Variants in GLYATL1 observed in about 807,000 individuals in gnomAD.
GLYATL1 encodes glycine-N-acyltransferase like 1, also known as glycine N-acyltransferase-like protein 1.
GLYATL1 carries 15 observed loss-of-function variants against 20.0 expected under a neutral mutation model. That is an observed-to-expected ratio of 0.75 (90% CI 0.50 to 1.15). GLYATL1 has a LOEUF of 1.15. GLYATL1 is among the 50% of genes most tolerant of loss of function. GLYATL1 has a pLI of 0.00. For synonymous variants in GLYATL1, 151 were observed against 131.5 expected (o/e 1.15, Z -1.01); for missense variants, 380 against 368.5 (o/e 1.03, Z -0.26).
At chr11:58,928,857 ATATCC>A (rs1855501635) in intron 1 of GLYATL1, among the ~76,000 whole-genome samples, 1 of 152,198 alleles carries the variant, frequency 6.6e-6, no homozygotes, top group African/African-American at 2.4e-5. Flanking sequence ...TTAGGGGGCA[ATATCC>A]TTGGTCAAAC....
rs1208173566 is a variant in GLYATL1 at position 58,939,516 on chromosome 11, A to C, written c.-301A>C. On this transcript the variant is annotated 5_prime_UTR_variant, in exon 1 of 7. Coordinates refer to ENST00000532726, the MANE Select transcript of GLYATL1 (RefSeq NM_001389712.2). ...TTGCCATGGGCCAGGAGTCTCACAGAACTACTAAGCAGCTGCTTACCCAAT... is the reference window on the plus strand; with the variant it reads ...TTGCCATGGGCCAGGAGTCTCACAGCACTACTAAGCAGCTGCTTACCCAAT... 2 of 152,262 alleles carry C rather than the reference A, an allele frequency of 1.3e-5. No individual in the cohort carries two copies. Among genetic ancestry groups the C allele is most frequent in the African/African-American group, 2.4e-5 (1 of 41,456 alleles). 9.4% of individuals were successfully genotyped at this position (152,262 alleles called of 1,614,324 possible).
At chr11:58,944,264 C>T (rs1245676597) in intron 2 of GLYATL1, among the ~76,000 whole-genome samples, 1 of 152,094 alleles carries the variant, frequency 6.6e-6, no homozygotes, top group Non-Finnish European at 1.5e-5. Context: ...ACAGTTTTGG[C>T]ACTATTGGAT....
At chr11:58,910,565 T>G (rs1184104820), downstream of GLYATL1, among the ~76,000 whole-genome samples, 1 of 152,152 alleles carries the variant, frequency 6.6e-6, no homozygotes, top group Non-Finnish European at 1.5e-5. Flanking sequence ...GATATGCTAT[T>G]AGGTAGTACT....
rs554511547 is a variant in GLYATL1, at chr11:58,944,233, G to A, written c.-43+567G>A. On this transcript the variant is annotated intron_variant, in intron 2 of 6. Transcript: ENST00000532726. ...GTACATTTATAAATGAGGGCTCTCA[G>A]TAAAGTCTCTTTGACTAAAAACAGT... is the stretch of plus-strand genomic sequence containing the variant. Among the ~76,000 whole-genome samples the A allele has an allele frequency of 7.2e-5, 11 of 152,312 alleles. No individual in the cohort carries two copies. The East Asian group carries it at 2.1e-3, about 29-fold the overall frequency.
At chr11:58,918,762 G>A (rs528550783) in intron 1 of GLYATL1, among the ~76,000 whole-genome samples, 1 of 152,342 alleles carries the variant, frequency 6.6e-6, no homozygotes, top group Non-Finnish European at 1.5e-5. Context: ...GCATAGACTA[G>A]TCAGCTTCCA....
chr11:58,941,821 C>A (rs1856179177), intron 1 of GLYATL1, among the ~76,000 whole-genome samples: 1 of 152,114 alleles, frequency 6.6e-6, no homozygotes, highest in Non-Finnish European at 1.5e-5. Context: ...CAATTTGTAC[C>A]TCTTTCTCTA....
chr11:58,905,608 AG>A, exon 1 of GLYATL1: 1 of 456,292 alleles, frequency 2.2e-6, no homozygotes, highest in Non-Finnish European at 4.4e-6. Flanking sequence ...ACTGGGAGAC[AG>A]GGGACGCCGA....
At chr11:58,951,811 T>C (rs1176492228) in intron 4 of GLYATL1, among the ~76,000 whole-genome samples, 1 of 152,160 alleles carries the variant, frequency 6.6e-6, no homozygotes, top group African/African-American at 2.4e-5. Flanking sequence ...AGCATTATTA[T>C]TTTGTTATTG....
rs1855992410 is a variant in GLYATL1, at chr11:58,939,538, C to T, written c.-279C>T. ...CAGAACTACTAAGCAGCTGCTTACC[C>T]AATTTTGGCTGGAGAGATAAGTACC... On this transcript the variant is annotated 5_prime_UTR_variant, in exon 1 of 7. The change creates a premature stop within an existing upstream ORF in the 5' untranslated region. Transcript: ENST00000532726. 1 of 152,186 alleles carries T rather than the reference C, an allele frequency of 6.6e-6. No homozygotes were observed. Among genetic ancestry groups the T allele is most frequent in the South Asian group, 2.1e-4 (1 of 4,824 alleles). 9.4% of individuals were successfully genotyped at this position (152,186 alleles called of 1,614,324 possible).
downstream of GLYATL1, among the ~76,000 whole-genome samples, chr11:58,911,839 T>C (rs189051271): frequency 6.6e-6 from 1 of 152,362 alleles, no homozygotes; most frequent in Admixed American, 6.5e-5. Flanking sequence ...TTACTTTATA[T>C]GTTTATTTCT....
chr11:58,931,212 A>G (rs1855586098), intron 1 of GLYATL1, among the ~76,000 whole-genome samples: 1 of 152,036 alleles, frequency 6.6e-6, no homozygotes, highest in Non-Finnish European at 1.5e-5. Flanking sequence ...TGTTTTTCCT[A>G]TGGGTCTTTG....
At chr11:58,910,275 C>T (rs1044417156), downstream of GLYATL1, among the ~76,000 whole-genome samples, 18 of 152,172 alleles carry the variant, frequency 1.2e-4, no homozygotes, top group Non-Finnish European at 2.4e-4. Flanking sequence ...ATAAAGGAGA[C>T]GTGTTTACAG....
At chr11:58,915,732 T>C (rs1590767887) in intron 1 of GLYATL1, among the ~76,000 whole-genome samples, 2 of 152,278 alleles carry the variant, frequency 1.3e-5, no homozygotes, top group Middle Eastern at 6.8e-3. Flanking sequence ...GAATCCTTGC[T>C]CTCCAATAGA....
At chr11:58,937,499 A>G (rs1247675507), upstream of GLYATL1, among the ~76,000 whole-genome samples, 1 of 152,192 alleles carries the variant, frequency 6.6e-6, no homozygotes, top group African/African-American at 2.4e-5. Flanking sequence ...GTGAACAGAA[A>G]TCAGAAAAGT....
At chr11:58,947,467 G>T in intron 3 of GLYATL1, 1 of 479,610 alleles carries the variant, frequency 2.1e-6, no homozygotes, top group Non-Finnish European at 3.7e-6. Context: ...CTAGTCAGAT[G>T]GCTTTGTGGA....
At chr11:58,947,282 G>A (rs1856639084) in intron 3 of GLYATL1, 117 bp downstream of exon 3, 2 of 1,372,974 alleles carry the variant, frequency 1.5e-6, no homozygotes, top group Non-Finnish European at 1.9e-6. Context: ...CTGGGAAACA[G>A]GATGGGACTG....
upstream of GLYATL1, among the ~76,000 whole-genome samples, chr11:58,923,357 C>A (rs1008286289): frequency 7.9e-5 from 12 of 152,136 alleles, no homozygotes; most frequent in Non-Finnish European, 1.5e-4. Context: ...TCTGAATGAG[C>A]CAGATAGTCT....
chr11:58,929,346 T>A (rs1419152265), intron 1 of GLYATL1, among the ~76,000 whole-genome samples: 3 of 152,230 alleles, frequency 2.0e-5, no homozygotes, highest in African/African-American at 7.2e-5. Flanking sequence ...TCTTCTTCTA[T>A]GTCTATTGAG....
At chr11:58,926,382 G>A (rs1481221359), upstream of GLYATL1, among the ~76,000 whole-genome samples, 1 of 152,222 alleles carries the variant, frequency 6.6e-6, no homozygotes, top group Non-Finnish European at 1.5e-5. Flanking sequence ...GCTTGAATAT[G>A]TGTAATAAAA....
Sources: gnomAD v4.1 joint callset for allele counts (sites outside exome capture counted in the v4.1 genomes callset) on GRCh38, gnomAD v4.1.1 for gene constraint, MANE v1.5 for transcripts, NCBI Gene and HGNC (gene_info 2026-07-23, HGNC 2026-07-21) for gene names.